The following HTR4 variants were observed in gnomAD, a reference collection of about 807,000 sequenced individuals.
The protein encoded by HTR4 is 5-hydroxytryptamine receptor 4.
In HTR4, 16 loss-of-function variants were observed where a neutral mutation model predicts 36.8. That is an observed-to-expected ratio of 0.43 (90% confidence interval 0.29 to 0.66). The LOEUF is 0.66. Ranked by LOEUF, HTR4 falls within the 30% of genes least tolerant of loss-of-function variation. The pLI, the probability that HTR4 is intolerant of heterozygous loss-of-function variation, is 0.13. For missense variants in HTR4, 438 were observed against 490.9 expected (o/e 0.89, Z 1.02); for synonymous variants, 189 against 185.1 (o/e 1.02, Z -0.17).
Position 148,654,410 on chromosome 5 carries a change from G to C in HTR4, c.-396C>G, listed in dbSNP as rs1010814666. 2.0e-5 allele frequency: 20 copies of C among 985,538 alleles called. No individual in the cohort carries two copies. Among genetic ancestry groups the C allele is most frequent in the Non-Finnish European group, 2.4e-5 (20 of 830,014 alleles). The allele number at this position is 985,538 out of a possible 1,614,324, so 61.0% of individuals were successfully genotyped here. ...CCCCCACTGGGCGCCAGGGACAGCGGGGGTGCCGCTCTGCCGGCAGGGCGC... is the reference window on the plus strand; with the variant it reads ...CCCCCACTGGGCGCCAGGGACAGCGCGGGTGCCGCTCTGCCGGCAGGGCGC... On this transcript the variant is annotated 5_prime_UTR_variant, in exon 1 of 7. Transcript: ENST00000377888.
chr5:148,640,918 T>G (rs1336598421), intron 1 of HTR4, among the ~76,000 whole-genome samples: 1 of 152,190 alleles, frequency 6.6e-6, no homozygotes, highest in African/African-American at 2.4e-5. Context: ...TGAAACCCAA[T>G]GAGCAAATTT....
At chr5:148,503,502 T>G (rs1197696279) in intron 6 of HTR4, among the ~76,000 whole-genome samples, 1 of 151,976 alleles carries the variant, frequency 6.6e-6, no homozygotes, top group African/African-American at 2.4e-5. Context: ...GCACTAAACA[T>G]GGAAAGGAAC....
intron 2 of HTR4, among the ~76,000 whole-genome samples, chr5:148,609,190 T>C (rs1401069726): frequency 2.0e-5 from 3 of 152,224 alleles, no homozygotes; most frequent in African/African-American, 4.8e-5. Flanking sequence ...TGGCATTGCA[T>C]TGCACACACA....
At position 148,481,903 on chromosome 5, in the gene HTR4, T is replaced by C; in HGVS notation, c.*1300A>G. On this transcript the variant is annotated 3_prime_UTR_variant, in exon 7 of 7. Transcript: ENST00000377888. ...GTCTAAAAGGCCCAAATGAGGAGGG[T>C]CGTTCCTTTGAAACAAAGCCAAAAG... 8.7e-7 allele frequency: 1 copy of C among 1,149,408 alleles called. No individual in the cohort carries two copies. The highest frequency in any genetic ancestry group is 4.6e-5 in the East Asian group (1 of 21,718). 71.2% of individuals were successfully genotyped at this position (1,149,408 alleles called of 1,614,324 possible).
chr5:148,552,445 G>A (rs1759744197), intron 2 of HTR4, among the ~76,000 whole-genome samples: 1 of 152,192 alleles, frequency 6.6e-6, no homozygotes, highest in South Asian at 2.1e-4. Context: ...GGTCATGTTA[G>A]TTGAGTTAAA....
At chr5:148,642,008 T>G (rs952732088) in intron 1 of HTR4, among the ~76,000 whole-genome samples, 1 of 152,218 alleles carries the variant, frequency 6.6e-6, no homozygotes, top group Non-Finnish European at 1.5e-5. Flanking sequence ...AACCTCGGCT[T>G]GCTTTGCTCC....
At chr5:148,595,818 C>A (rs992551081) in intron 2 of HTR4, among the ~76,000 whole-genome samples, 2 of 152,046 alleles carry the variant, frequency 1.3e-5, no homozygotes, top group Non-Finnish European at 2.9e-5. Flanking sequence ...ATGATGCAAC[C>A]CATTTATAAG....
intron 5 of HTR4, among the ~76,000 whole-genome samples, chr5:148,517,909 T>C (rs946733312): frequency 6.6e-6 from 1 of 152,070 alleles, no homozygotes; most frequent in Non-Finnish European, 1.5e-5. Context: ...ACCTGAAAAG[T>C]CCTACACGAT....
intron 2 of HTR4, among the ~76,000 whole-genome samples, chr5:148,622,215 A>G (rs186142755): frequency 6.6e-6 from 1 of 152,268 alleles, no homozygotes; most frequent in Non-Finnish European, 1.5e-5. Context: ...GTGGTTTAAA[A>G]TTGTCAACTT....
intron 1 of HTR4, among the ~76,000 whole-genome samples, chr5:148,643,692 GA>G (rs1359920329): frequency 6.6e-6 from 1 of 152,232 alleles, no homozygotes; most frequent in Non-Finnish European, 1.5e-5. Context: ...TTGATAATTA[GA>G]GAAGGAATAA....
At chr5:148,487,207 G>C (rs1007079549) in intron 6 of HTR4, among the ~76,000 whole-genome samples, 3 of 152,162 alleles carry the variant, frequency 2.0e-5, no homozygotes, top group Non-Finnish European at 4.4e-5. Flanking sequence ...GGCATGGATT[G>C]ATCGATGGGT....
At chr5:148,576,121 A>C (rs1342083140) in intron 2 of HTR4, among the ~76,000 whole-genome samples, 1 of 128,450 alleles carries the variant, frequency 7.8e-6, no homozygotes, top group East Asian at 1.9e-4. Flanking sequence ...AAAAAAAAAA[A>C]AAAAAAAAAA....
intron 6 of HTR4, among the ~76,000 whole-genome samples, chr5:148,508,267 C>A (rs938342700): frequency 1.3e-5 from 2 of 152,048 alleles, no homozygotes; most frequent in Non-Finnish European, 2.9e-5. Context: ...GAAATTCCTG[C>A]GCATCTCAGG....
chr5:148,646,477 T>G (rs1464779528), intron 1 of HTR4: 1 of 152,188 alleles, frequency 6.6e-6, no homozygotes, highest in Admixed American at 6.5e-5. Flanking sequence ...CAGTGCAATC[T>G]CAAAAGACAT....
At chr5:148,457,806 A>G (rs1755138568) in intron 5 of HTR4, among the ~76,000 whole-genome samples, 1 of 115,376 alleles carries the variant, frequency 8.7e-6, no homozygotes, top group African/African-American at 3.7e-5. Context: ...AAAATATCAT[A>G]TATTTTGATA....
At chr5:148,609,627 G>A (rs1268075747) in intron 2 of HTR4, among the ~76,000 whole-genome samples, 4 of 150,572 alleles carry the variant, frequency 2.7e-5, no homozygotes, top group East Asian at 2.0e-4. Flanking sequence ...GTGCAGTGGC[G>A]CGATCTAGGC....
intron 5 of HTR4, among the ~76,000 whole-genome samples, chr5:148,521,701 C>T (rs572804473): frequency 2.0e-4 from 31 of 152,174 alleles, no homozygotes; most frequent in Admixed American, 4.6e-4. Flanking sequence ...ACACAGGGAT[C>T]GGAATAATGC....
At chr5:148,466,533 C>T (rs568468595) in intron 5 of HTR4, among the ~76,000 whole-genome samples, 1 of 152,176 alleles carries the variant, frequency 6.6e-6, no homozygotes, top group African/African-American at 2.4e-5. Context: ...TTAGATATGT[C>T]ACTGACCATT....
intron 6 of HTR4, among the ~76,000 whole-genome samples, chr5:148,498,360 C>A (rs1162608258): frequency 6.6e-6 from 1 of 152,152 alleles, no homozygotes; most frequent in African/African-American, 2.4e-5. Flanking sequence ...AGACTAAGTT[C>A]TCTATACCTT....
Sources: allele counts gnomAD v4.1 joint callset (sites outside exome capture counted in the v4.1 genomes callset), GRCh38; gene constraint gnomAD v4.1.1; transcripts MANE v1.5; gene names NCBI Gene and HGNC (gene_info 2026-07-23, HGNC 2026-07-21).